The following GPC3 variants were observed in gnomAD, a reference collection of about 807,000 sequenced individuals.
GPC3 encodes glypican 3, also known as glypican-3.
Under a neutral mutation model 34.4 loss-of-function variants are expected in GPC3, and 3 were observed. That is an observed-to-expected ratio of 0.09 (90% CI 0.04 to 0.23). The LOEUF is 0.23. Among genes scored for constraint, GPC3 ranks in the 10% least tolerant of loss-of-function variants. The pLI is 1.00. For missense variants in GPC3, 351 were observed against 445.6 expected (o/e 0.79, Z 1.91); for synonymous variants, 177 against 174.0 (o/e 1.02, Z -0.13).
chrX:133,635,335 A>C (rs2070409656), intron 6 of GPC3, among the ~76,000 whole-genome samples: 1 of 111,825 alleles, frequency 8.9e-6, no homozygotes, highest in South Asian at 3.7e-4. Flanking sequence ...TGAGGCCTGG[A>C]GGTCTCTGGG....
intron 2 of GPC3, among the ~76,000 whole-genome samples, chrX:133,908,978 G>A (rs970464557): frequency 5.4e-5 from 6 of 111,682 alleles, no homozygotes; most frequent in Non-Finnish European, 7.5e-5. Context: ...CCTATATATT[G>A]AACTACGCCA....
At chrX:133,750,800 G>A (rs1375237227) in intron 3 of GPC3, among the ~76,000 whole-genome samples, 6 of 110,825 alleles carry the variant, frequency 5.4e-5, no homozygotes, top group African/African-American at 1.6e-4. Context: ...ATGGCCAGGC[G>A]TGGTGGCTCA....
intron 2 of GPC3, among the ~76,000 whole-genome samples, chrX:133,871,047 G>T (rs2075992121): frequency 9.0e-6 from 1 of 111,461 alleles, no homozygotes; most frequent in South Asian, 3.8e-4. Flanking sequence ...GAGTTATGTG[G>T]ATAATTCCTG....
intron 2 of GPC3, among the ~76,000 whole-genome samples, chrX:133,816,438 C>T (rs1347796810): frequency 4.5e-5 from 5 of 111,902 alleles, no homozygotes; most frequent in Non-Finnish European, 9.4e-5. Context: ...TCATTAATCT[C>T]TTGTTCTGAC....
At chrX:133,657,341 G>A (rs768659850) in intron 6 of GPC3, among the ~76,000 whole-genome samples, 1 of 111,614 alleles carries the variant, frequency 9.0e-6, no homozygotes, top group South Asian at 3.8e-4. Flanking sequence ...TATGAGTAAC[G>A]ATGTGTTGTG....
chrX:133,618,782 T>C (rs1450056491), intron 6 of GPC3, among the ~76,000 whole-genome samples: 1 of 110,162 alleles, frequency 9.1e-6, no homozygotes, highest in African/African-American at 3.3e-5. Context: ...ACATAGGGTT[T>C]TGTGAACTTG....
At chrX:133,557,244 A>C (rs1343622489) in intron 7 of GPC3, among the ~76,000 whole-genome samples, 1 of 111,496 alleles carries the variant, frequency 9.0e-6, no homozygotes, top group Non-Finnish European at 1.9e-5. Context: ...CAGTGAGCCG[A>C]GATCACGCCA....
intron 7 of GPC3, among the ~76,000 whole-genome samples, chrX:133,553,755 A>C (rs1006842456): frequency 8.9e-6 from 1 of 111,957 alleles, no homozygotes; most frequent in African/African-American, 3.2e-5. Flanking sequence ...ATTTTTGACA[A>C]CTTTATTAAG....
chrX:133,707,755 T>A (rs2071231157), intron 3 of GPC3, among the ~76,000 whole-genome samples: 1 of 110,874 alleles, frequency 9.0e-6, no homozygotes, highest in East Asian at 2.8e-4. Flanking sequence ...AATTTTTTAA[T>A]GGGGGGGCAG....
intron 6 of GPC3, among the ~76,000 whole-genome samples, chrX:133,601,365 C>T (rs1603185697): frequency 8.9e-6 from 1 of 111,870 alleles, no homozygotes; most frequent in East Asian, 2.8e-4. Flanking sequence ...AGCAGATTGA[C>T]TTGAGTTCGA....
chrX:133,748,162 G>T (rs1185616732), intron 3 of GPC3, among the ~76,000 whole-genome samples: 4 of 112,153 alleles, frequency 3.6e-5, no homozygotes, highest in Admixed American at 9.4e-5. Context: ...AATTATACAT[G>T]AAATGGGCAA....
chrX:133,913,723 C>T (rs1347969838), intron 2 of GPC3, among the ~76,000 whole-genome samples: 2 of 111,375 alleles, frequency 1.8e-5, no homozygotes, highest in Non-Finnish European at 3.8e-5. Context: ...CGTAAATCTC[C>T]ATGGCTTCAA....
chrX:133,801,909 G>GTGCACA (rs2075611894), intron 2 of GPC3, among the ~76,000 whole-genome samples: 1 of 112,095 alleles, frequency 8.9e-6, no homozygotes, highest in East Asian at 2.8e-4. Flanking sequence ...GTGTGTGTGT[G>GTGCACA]TGCACATGCA....
intron 2 of GPC3, among the ~76,000 whole-genome samples, chrX:133,791,282 A>G (rs141077988): frequency 0.02 from 2,227 of 111,517 alleles, 37 homozygotes; most frequent in Non-Finnish European, 0.029. Flanking sequence ...CACACAGGGT[A>G]CCTAACACTC....
At chrX:133,547,936 C>T (rs1318827654) in intron 7 of GPC3, among the ~76,000 whole-genome samples, 2 of 111,362 alleles carry the variant, frequency 1.8e-5, no homozygotes. Flanking sequence ...GCTGCGATTA[C>T]AGGTGTGAGC....
At chrX:133,894,092 C>T (rs2076100998) in intron 2 of GPC3, among the ~76,000 whole-genome samples, 1 of 111,663 alleles carries the variant, frequency 9.0e-6, no homozygotes, top group Non-Finnish European at 1.9e-5. Flanking sequence ...GTGTGCCCAC[C>T]TCGGCCTACC....
intron 7 of GPC3, among the ~76,000 whole-genome samples, chrX:133,541,270 C>T (rs1161640094): frequency 9.1e-6 from 1 of 109,880 alleles, no homozygotes; most frequent in Non-Finnish European, 1.9e-5. Context: ...AAAAAAAAAC[C>T]CTACAAAGTG....
At chrX:133,830,534 C>T (rs1477670555) in intron 2 of GPC3, among the ~76,000 whole-genome samples, 1 of 108,436 alleles carries the variant, frequency 9.2e-6, no homozygotes, top group African/African-American at 3.4e-5. Context: ...AAAAATTAGT[C>T]GGGCATGGTG....
intron 2 of GPC3, among the ~76,000 whole-genome samples, chrX:133,775,399 T>C (rs1361880132): frequency 8.9e-6 from 1 of 111,891 alleles, no homozygotes; most frequent in Non-Finnish European, 1.9e-5. Flanking sequence ...TTCCTTATTT[T>C]CAGGGTCTTG....
Sources: gnomAD v4.1 joint callset for allele counts (sites outside exome capture counted in the v4.1 genomes callset) on GRCh38, gnomAD v4.1.1 for gene constraint, MANE v1.5 for transcripts, NCBI Gene and HGNC (gene_info 2026-07-23, HGNC 2026-07-21) for gene names.